Variants in HDAC9 observed in about 807,000 individuals in gnomAD.
HDAC9 encodes the protein MEF-2 interacting transcription repressor (MITR) protein.
A neutral mutation model predicts 139.4 loss-of-function variants in HDAC9; 41 were observed. The ratio of observed to expected loss-of-function variants is 0.29; its 90% CI spans 0.23 to 0.38. The LOEUF is 0.38. HDAC9 is among the 10% of genes least tolerant of loss of function. The probability of loss-of-function intolerance (pLI) is 1.00; values close to 1 mark genes in which losing one functional copy is unlikely to be tolerated. For synonymous variants in HDAC9, 517 were observed against 476.2 expected (o/e 1.09, Z -1.12); for missense variants, 1,147 against 1,297.0 (o/e 0.88, Z 1.78).
At chr7:18,531,146 C>CT (rs1808800596) in intron 2 of HDAC9, among the ~76,000 whole-genome samples, 1 of 152,050 alleles carries the variant, frequency 6.6e-6, no homozygotes, top group Non-Finnish European at 1.5e-5. Context: ...TCAAACTATA[C>CT]TTACTTTATT....
intron 1 of HDAC9, among the ~76,000 whole-genome samples, chr7:18,382,017 G>A (rs553238486): frequency 8.5e-5 from 13 of 152,060 alleles, no homozygotes; most frequent in Non-Finnish European, 1.3e-4. Context: ...ATGTGAATAT[G>A]AGAGTCTCAA....
chr7:18,699,832 T>C (rs1248577281), intron 12 of HDAC9, among the ~76,000 whole-genome samples: 2 of 152,156 alleles, frequency 1.3e-5, no homozygotes, highest in Non-Finnish European at 2.9e-5. Context: ...TTCCATAAAA[T>C]CTTTTACTAT....
chr7:19,000,616 G>A lies in HDAC9; in HGVS notation c.*4554G>A, dbSNP rs1480358459. ...TACTATGCTGGAAATAACTAGGTCA[G>A]ACAATGAAACCTTAGACTTTTGATT... On this transcript the variant is annotated 3_prime_UTR_variant, in exon 26 of 26. Transcript: ENST00000686413. 2 of 152,196 alleles carry A rather than the reference G, an allele frequency of 1.3e-5. No individual in the cohort carries two copies. Among genetic ancestry groups the A allele is most frequent in the Non-Finnish European group, 2.9e-5 (2 of 68,032 alleles). 9.4% of individuals were successfully genotyped at this position (152,196 alleles called of 1,614,324 possible).
intron 13 of HDAC9, among the ~76,000 whole-genome samples, 191 bp downstream of exon 13, chr7:18,727,948 A>G (rs1785690974): frequency 6.6e-6 from 1 of 152,214 alleles, no homozygotes; most frequent in African/African-American, 2.4e-5. Context: ...GCTTAGTACT[A>G]ATAGCCTCAT....
intron 2 of HDAC9, among the ~76,000 whole-genome samples, chr7:18,574,631 C>A (rs1444549128): frequency 1.3e-5 from 2 of 152,212 alleles, no homozygotes; most frequent in African/African-American, 2.4e-5. Flanking sequence ...TGCCGAAGGG[C>A]GCCTGCAGGC....
chr7:18,618,260 T>C (rs1320144484), intron 6 of HDAC9, among the ~76,000 whole-genome samples: 2 of 152,154 alleles, frequency 1.3e-5, no homozygotes, highest in Admixed American at 6.6e-5. Flanking sequence ...TTGTCCACAT[T>C]TGCAGGCAAG....
intron 13 of HDAC9, among the ~76,000 whole-genome samples, chr7:18,738,611 G>T (rs1229319353): frequency 1.3e-5 from 2 of 152,216 alleles, no homozygotes; most frequent in African/African-American, 4.8e-5. Context: ...GGCTTGTAGG[G>T]TTTCTGCAGA....
chr7:18,359,302 C>T (rs182481529), intron 1 of HDAC9, among the ~76,000 whole-genome samples: 9 of 152,162 alleles, frequency 5.9e-5, no homozygotes, highest in East Asian at 3.9e-4. Context: ...GAGCCAATAT[C>T]GCACCATTGC....
At chr7:18,172,370 A>G (rs1788519169) in intron 2 of HDAC9, among the ~76,000 whole-genome samples, 1 of 151,998 alleles carries the variant, frequency 6.6e-6, no homozygotes, top group South Asian at 2.1e-4. Flanking sequence ...CTAGCAGTCT[A>G]CCAATTTTGT....
intron 1 of HDAC9, among the ~76,000 whole-genome samples, chr7:18,358,626 A>G (rs77779513): frequency 9.3e-4 from 141 of 152,366 alleles, no homozygotes; most frequent in African/African-American, 3.1e-3. Flanking sequence ...GTATACCTAC[A>G]TATCCTTTGA....
intron 1 of HDAC9, among the ~76,000 whole-genome samples, chr7:18,409,001 CTTTATGCCCTCCATAAGGATG>C: frequency 6.6e-6 from 1 of 152,284 alleles, no homozygotes; most frequent in East Asian, 1.9e-4. Context: ...ATTTTCCTAA[CTTTATGCCCTCCATAAGGATG>C]TGATTTCTGA....
chr7:18,776,372 C>T (rs1433337099), intron 16 of HDAC9, among the ~76,000 whole-genome samples: 1 of 152,094 alleles, frequency 6.6e-6, no homozygotes, highest in Non-Finnish European at 1.5e-5. Context: ...TCTGAACTTA[C>T]TATACTCACA....
rs544513968 is a variant in HDAC9 at position 18,215,139 on chromosome 7, C to T, written c.25+52790C>T. On this transcript the variant is annotated intron_variant, in intron 2 of 12. Transcript: ENST00000417496. ...ATGGATTATTCTATTCTACCCTATT[C>T]TATTAGACAATTTTATATCCAAACA... Among the ~76,000 whole-genome samples, 4 of 152,194 alleles carry T rather than the reference C, an allele frequency of 2.6e-5. No individual in the cohort carries two copies. In the East Asian group the frequency reaches 7.7e-4, roughly 29 times the overall value.
intron 2 of HDAC9, chr7:18,162,355 T>A (rs950434141): frequency 6.5e-7 from 1 of 1,534,394 alleles, no homozygotes; most frequent in African/African-American, 1.4e-5. Flanking sequence ...GCCTGGTCAG[T>A]CTGGTTGCTT....
At chr7:18,919,979 G>C (rs1219088422) in intron 22 of HDAC9, among the ~76,000 whole-genome samples, 1 of 152,004 alleles carries the variant, frequency 6.6e-6, no homozygotes, top group East Asian at 1.9e-4. Flanking sequence ...TGGCAATGCG[G>C]GCTCTTTTTT....
chr7:18,193,420 T>C (rs1477506216), intron 2 of HDAC9, among the ~76,000 whole-genome samples: 2 of 152,204 alleles, frequency 1.3e-5, no homozygotes, highest in Non-Finnish European at 2.9e-5. Flanking sequence ...ATAAATTAAT[T>C]AGTCAAACAA....
chr7:18,575,868 A>G (rs1324028979), intron 2 of HDAC9, among the ~76,000 whole-genome samples: 1 of 152,218 alleles, frequency 6.6e-6, no homozygotes, highest in African/African-American at 2.4e-5. Flanking sequence ...CCACACATGC[A>G]CTGAGGCCTT....
At chr7:18,971,098 A>G (rs530713732) in intron 24 of HDAC9, among the ~76,000 whole-genome samples, 3 of 152,314 alleles carry the variant, frequency 2.0e-5, no homozygotes, top group Non-Finnish European at 4.4e-5. Context: ...AACCCCATCT[A>G]TGGCCCTCAC....
At chr7:18,214,879 G>A (rs1162097366) in intron 2 of HDAC9, among the ~76,000 whole-genome samples, 3 of 152,180 alleles carry the variant, frequency 2.0e-5, no homozygotes, top group Admixed American at 2.0e-4. Flanking sequence ...ACTGATGGGG[G>A]CATGGAAAAG....
Sources: allele counts gnomAD v4.1 joint callset (sites outside exome capture counted in the v4.1 genomes callset), GRCh38; gene constraint gnomAD v4.1.1; transcripts MANE v1.5; gene names NCBI Gene and HGNC (gene_info 2026-07-23, HGNC 2026-07-21).